Variants in IMMP2L observed in about 807,000 individuals in gnomAD.
IMMP2L encodes inner mitochondrial membrane peptidase subunit 2, also known as mitochondrial inner membrane protease subunit 2.
Under a neutral mutation model 19.3 loss-of-function variants are expected in IMMP2L, and 18 were observed. The observed-to-expected ratio is 0.93, with a 90% CI of 0.64 to 1.38. The LOEUF (loss-of-function observed/expected upper bound fraction) is 1.38, where lower values mean the gene tolerates loss of function less well. Among genes scored for constraint, IMMP2L ranks in the 40% most tolerant of loss-of-function variants. The pLI, the probability that IMMP2L is intolerant of heterozygous loss-of-function variation, is 0.00. For synonymous variants in IMMP2L, 76 were observed against 73.0 expected (o/e 1.04, Z -0.21); for missense variants, 233 against 218.2 (o/e 1.07, Z -0.43).
intron 3 of IMMP2L, among the ~76,000 whole-genome samples, chr7:111,134,845 TATCCTG>T: frequency 6.6e-6 from 1 of 152,218 alleles, no homozygotes; most frequent in East Asian, 1.9e-4. Context: ...ACCTCTTTAA[TATCCTG>T]ATGCTAGCTC....
rs1357854425 is a variant in IMMP2L at position 111,016,844 on chromosome 7, TATA to T, written c.240-53282_240-53280del. The stretch of plus-strand genomic sequence containing the variant: ...TATATAATATATAGTATATATTATA[TATA>T]ATATATATTATATAATATATTACAT... On this transcript the variant is annotated intron_variant, in intron 3 of 5. Coordinates refer to ENST00000405709, the MANE Select transcript of IMMP2L (RefSeq NM_032549.4). 3.8e-4 allele frequency among the ~76,000 whole-genome samples: 33 copies of T among 86,484 alleles called. No individual in the cohort carries two copies. The East Asian group carries it at 6.3e-3, about 16-fold the overall frequency. The allele number at this position is 86,484 out of a possible 152,430, so 56.7% of individuals were successfully genotyped here. A position where few individuals can be genotyped will look rare whatever the true frequency, so the allele number is the denominator to read the frequency against.
chr7:111,466,036 A>C (rs571378131), intron 3 of IMMP2L, among the ~76,000 whole-genome samples: 7 of 152,158 alleles, frequency 4.6e-5, no homozygotes, highest in African/African-American at 7.2e-5. Context: ...GACATGGATG[A>C]AGCTGGAAAC....
chr7:110,818,272 A>C (rs1802715220), intron 5 of IMMP2L, among the ~76,000 whole-genome samples: 1 of 152,168 alleles, frequency 6.6e-6, no homozygotes, highest in African/African-American at 2.4e-5. Context: ...TACAAGAAAA[A>C]AACAAACAAC....
intron 4 of IMMP2L, among the ~76,000 whole-genome samples, chr7:110,958,697 A>G (rs1318774798): frequency 6.6e-6 from 1 of 151,990 alleles, no homozygotes; most frequent in African/African-American, 2.4e-5. Context: ...AAGGATGCCT[A>G]CCCCAAAGGT....
chr7:110,677,028 A>G (rs975408275), intron 5 of IMMP2L, among the ~76,000 whole-genome samples: 1 of 152,222 alleles, frequency 6.6e-6, no homozygotes, highest in Non-Finnish European at 1.5e-5. Flanking sequence ...GTACAGAGAC[A>G]CTGCTTTCCT....
At chr7:111,561,077 G>A (rs1449626007) in intron 1 of IMMP2L, among the ~76,000 whole-genome samples, 3 of 152,188 alleles carry the variant, frequency 2.0e-5, no homozygotes, top group Non-Finnish European at 4.4e-5. Context: ...CCAACCTTGT[G>A]AGAGGAGCTG....
At chr7:110,738,714 C>A (rs941952178) in intron 5 of IMMP2L, among the ~76,000 whole-genome samples, 2 of 152,128 alleles carry the variant, frequency 1.3e-5, no homozygotes, top group African/African-American at 4.8e-5. Flanking sequence ...ACAAGAAGCT[C>A]AAAGAACACC....
At chr7:111,016,602 A>G (rs1352901006) in intron 3 of IMMP2L, among the ~76,000 whole-genome samples, 2 of 111,188 alleles carry the variant, frequency 1.8e-5, no homozygotes, top group Admixed American at 1.2e-4. Context: ...TATGTACTAT[A>G]TATTATATAT....
intron 3 of IMMP2L, among the ~76,000 whole-genome samples, chr7:111,171,809 G>A (rs913740979): frequency 2.6e-5 from 4 of 151,356 alleles, no homozygotes; most frequent in African/African-American, 9.7e-5. Flanking sequence ...TACACTAAAA[G>A]CAGATAGAAC....
intron 5 of IMMP2L, among the ~76,000 whole-genome samples, chr7:110,683,566 T>A (rs190569894): frequency 2.6e-5 from 4 of 152,222 alleles, no homozygotes; most frequent in Admixed American, 2.6e-4. Flanking sequence ...GACAAGAAAT[T>A]TAAACTATCA....
chr7:110,894,883 T>G (rs943178473), intron 4 of IMMP2L, among the ~76,000 whole-genome samples: 2 of 152,254 alleles, frequency 1.3e-5, no homozygotes, highest in Admixed American at 6.5e-5. Flanking sequence ...AAATTTCAAT[T>G]TTTTACATAT....
chr7:111,063,852 A>T (rs1794249701), intron 3 of IMMP2L, among the ~76,000 whole-genome samples: 1 of 152,142 alleles, frequency 6.6e-6, no homozygotes, highest in Non-Finnish European at 1.5e-5. Flanking sequence ...TCATATCACT[A>T]TCAGGATTTT....
chr7:110,746,688 T>C (rs1456101903), intron 5 of IMMP2L, among the ~76,000 whole-genome samples: 1 of 152,124 alleles, frequency 6.6e-6, no homozygotes, highest in African/African-American at 2.4e-5. Flanking sequence ...GAAATAAACA[T>C]GTTCTTTGAA....
At chr7:111,444,852 T>G (rs1194846438) in intron 3 of IMMP2L, among the ~76,000 whole-genome samples, 1 of 152,072 alleles carries the variant, frequency 6.6e-6, no homozygotes, top group Admixed American at 6.5e-5. Context: ...CTAATTACAG[T>G]AGGAAGGTCT....
intron 3 of IMMP2L, among the ~76,000 whole-genome samples, chr7:111,005,903 G>T (rs1018520480): frequency 2.6e-5 from 4 of 152,078 alleles, no homozygotes; most frequent in African/African-American, 9.7e-5. Context: ...AGAATTAGCG[G>T]CTGGAACACT....
chr7:111,148,396 G>T (rs755047685), intron 3 of IMMP2L, among the ~76,000 whole-genome samples: 3 of 151,904 alleles, frequency 2.0e-5, no homozygotes. Flanking sequence ...GAGTGTGTGC[G>T]TTTCTTTTGG....
At chr7:111,056,910 T>G (rs1221363722) in intron 3 of IMMP2L, among the ~76,000 whole-genome samples, 2 of 151,908 alleles carry the variant, frequency 1.3e-5, no homozygotes, top group Non-Finnish European at 2.9e-5. Flanking sequence ...CAGAGGAAAA[T>G]CCACATATAA....
rs568137191 is a variant in IMMP2L at position 110,724,245 on chromosome 7, A to G, written c.409-60524T>C. ...GTGATCACCATTTATCTGGTTGGCA[A>G]TTAAGTTAGTGTGGCTTTCTACCTG... On this transcript the variant is annotated intron_variant, in intron 5 of 5. Coordinates refer to ENST00000405709, the MANE Select transcript of IMMP2L (RefSeq NM_032549.4). 3.9e-5 allele frequency: 6 copies of G among 152,314 alleles called. No homozygotes were observed. The East Asian group carries it at 9.6e-4, about 24-fold the overall frequency. 9.4% of individuals were successfully genotyped at this position (152,314 alleles called of 1,614,324 possible). A position where few individuals can be genotyped will look rare whatever the true frequency, so the allele number is the denominator to read the frequency against.
rs1331715621 is a variant in IMMP2L, at chr7:111,383,629, T to C, written c.239+103609A>G. Among the ~76,000 whole-genome samples the C allele has an allele frequency of 3.3e-5, 5 of 152,030 alleles. No homozygotes were observed. In the East Asian group the frequency reaches 5.8e-4, roughly 18 times the overall value. On this transcript the variant is annotated intron_variant, in intron 3 of 5. Transcript: ENST00000405709. ...TACTTTATTTCCCTGTTGGCTTCTA[T>C]ACATTTTTATAAATAATGCATCAGT...
Sources: allele counts gnomAD v4.1 joint callset (sites outside exome capture counted in the v4.1 genomes callset), GRCh38; gene constraint gnomAD v4.1.1; transcripts MANE v1.5; gene names NCBI Gene and HGNC (gene_info 2026-07-23, HGNC 2026-07-21).